CPS1: variants seen among roughly 807,000 people sequenced by gnomAD.
CPS1 encodes carbamoyl-phosphate synthase [ammonia], mitochondrial.
In CPS1, 109 loss-of-function variants were observed where a neutral mutation model predicts 174.6. The observed-to-expected ratio is 0.62, with a 90% CI of 0.53 to 0.73. CPS1 has a LOEUF of 0.73. Ranked by LOEUF, CPS1 falls within the 30% of genes least tolerant of loss-of-function variation. The pLI is 0.00. For synonymous variants in CPS1, 637 were observed against 632.0 expected (o/e 1.01, Z -0.12); for missense variants, 1,689 against 1,821.9 (o/e 0.93, Z 1.33).
chr2:210,509,215 G>C (rs1438116207), intron 1 of CPS1, among the ~76,000 whole-genome samples: 1 of 152,140 alleles, frequency 6.6e-6, no homozygotes, highest in African/African-American at 2.4e-5. Flanking sequence ...GGGATGCAAG[G>C]CTGGTTCAAC....
At chr2:210,597,250 G>C (rs1454424000) in intron 13 of CPS1, among the ~76,000 whole-genome samples, 1 of 151,810 alleles carries the variant, frequency 6.6e-6, no homozygotes, top group African/African-American at 2.4e-5. Flanking sequence ...TTGCTTACCT[G>C]TTTGTATCTT....
intron 1 of CPS1, among the ~76,000 whole-genome samples, chr2:210,498,932 C>G (rs765676164): frequency 3.3e-5 from 5 of 152,160 alleles, no homozygotes; most frequent in Non-Finnish European, 7.4e-5. Context: ...TGTGCTTCAC[C>G]ATGGTGTCTG....
In CPS1 at chr2:210,678,087, C is replaced by A. The variant is rs774061608; in HGVS notation, c.*102C>A. ...TCAGAGATGAATATTGATAACTAAA[C>A]TTCATTTCAGTTTACTTTGTTATGC... On this transcript the variant is annotated 3_prime_UTR_variant, in exon 38 of 38. Transcript: ENST00000233072. 1.1e-6 allele frequency: 1 copy of A among 912,626 alleles called. No homozygotes were observed. The highest frequency in any genetic ancestry group is 1.7e-5 in the Admixed American group (1 of 58,432). 56.5% of individuals were successfully genotyped at this position (912,626 alleles called of 1,614,324 possible). A position where few individuals can be genotyped will look rare whatever the true frequency, so the allele number is the denominator to read the frequency against.
At chr2:210,608,328 A>G in intron 18 of CPS1, 33 bp from the exon 19 acceptor site, 2 of 1,601,926 alleles carry the variant, frequency 1.2e-6, no homozygotes, top group East Asian at 2.2e-5. Flanking sequence ...AATTGCTCGA[A>G]GAAAAAAAAA....
chr2:210,621,764 T>C (rs1699537765), intron 21 of CPS1, among the ~76,000 whole-genome samples: 1 of 152,112 alleles, frequency 6.6e-6, no homozygotes, highest in Non-Finnish European at 1.5e-5. Context: ...TATTCCTTAT[T>C]GTAACCAAAT....
chr2:210,606,687 A>G (rs1559102581), intron 17 of CPS1, 44 bp from the exon 18 acceptor site: 2 of 1,580,386 alleles, frequency 1.3e-6, no homozygotes, highest in Non-Finnish European at 1.7e-6. Flanking sequence ...GAAGTTGGTT[A>G]TTTCAATATG....
intron 21 of CPS1, among the ~76,000 whole-genome samples, chr2:210,625,758 T>C (rs1699681307): frequency 6.6e-6 from 1 of 151,654 alleles, no homozygotes; most frequent in Non-Finnish European, 1.5e-5. Flanking sequence ...TAGGTAGGAG[T>C]GGAAGCTAGG....
intron 1 of CPS1, among the ~76,000 whole-genome samples, chr2:210,542,167 C>T (rs1283730384): frequency 6.6e-6 from 1 of 152,096 alleles, no homozygotes; most frequent in Admixed American, 6.6e-5. Flanking sequence ...TCTAACTGGC[C>T]TGGCAAAACT....
At chr2:210,641,392 C>T (rs962479721) in intron 24 of CPS1, among the ~76,000 whole-genome samples, 1 of 152,132 alleles carries the variant, frequency 6.6e-6, no homozygotes, top group Non-Finnish European at 1.5e-5. Context: ...TCCCAAAGTG[C>T]TGGTATTACA....
At chr2:210,658,142 T>A (rs996679114) in intron 30 of CPS1, 5 of 223,644 alleles carry the variant, frequency 2.2e-5, no homozygotes, top group African/African-American at 9.2e-5. Flanking sequence ...CCTTGTAGAG[T>A]CCAGGGCAAC....
chr2:210,494,809 G>A (rs1361954986), intron 1 of CPS1, among the ~76,000 whole-genome samples: 1 of 152,180 alleles, frequency 6.6e-6, no homozygotes, highest in East Asian at 1.9e-4. Flanking sequence ...CACATAAGAA[G>A]GAAAGATTTG....
At chr2:210,544,594 A>G (rs1696514764) in intron 1 of CPS1, among the ~76,000 whole-genome samples, 2 of 152,186 alleles carry the variant, frequency 1.3e-5, no homozygotes, top group East Asian at 1.9e-4. Context: ...ATTACTTGAA[A>G]TAGTTTTAAA....
At chr2:210,499,092 G>A (rs1242940266) in intron 1 of CPS1, among the ~76,000 whole-genome samples, 1 of 151,928 alleles carries the variant, frequency 6.6e-6, no homozygotes, top group Non-Finnish European at 1.5e-5. Flanking sequence ...ATGCTGATCT[G>A]GGTGAATGGT....
chr2:210,670,207 T>A (rs1199661968), intron 34 of CPS1, among the ~76,000 whole-genome samples: 1 of 152,058 alleles, frequency 6.6e-6, no homozygotes, highest in African/African-American at 2.4e-5. Flanking sequence ...GACACAGATT[T>A]AAAAATATAT....
intron 28 of CPS1, among the ~76,000 whole-genome samples, chr2:210,651,900 T>C (rs1276605400): frequency 6.6e-6 from 1 of 152,174 alleles, no homozygotes; most frequent in Admixed American, 6.5e-5. Flanking sequence ...AAAAGAAAGA[T>C]ATGGTCTCTA....
intron 1 of CPS1, among the ~76,000 whole-genome samples, chr2:210,485,300 A>G (rs1694686377): frequency 6.6e-6 from 1 of 152,070 alleles, no homozygotes; most frequent in African/African-American, 2.4e-5. Context: ...AGTAAACGGT[A>G]TCTAAAGTAT....
chr2:210,653,995 G>A lies in CPS1; in HGVS notation c.3481-30G>A, dbSNP rs924169176. The A allele has an allele frequency of 1.1e-5, 17 of 1,582,024 alleles. No homozygotes were observed. The African/African-American group carries it at 1.2e-4, about 11-fold the overall frequency. On this transcript the variant is annotated intron_variant, in intron 28 of 37. Coordinates refer to ENST00000233072, the MANE Select transcript of CPS1 (RefSeq NM_001875.5). ...ACTATATACATAGCGTTAGCTAAAT[G>A]TTCGGCTCCTCTGTTTTCCTTCGTG...
chr2:210,580,624 G>T (rs546283057), intron 5 of CPS1, among the ~76,000 whole-genome samples: 6 of 152,138 alleles, frequency 3.9e-5, no homozygotes, highest in African/African-American at 1.4e-4. Flanking sequence ...CACTTTGGGA[G>T]GCTGAGGCAA....
intron 1 of CPS1, among the ~76,000 whole-genome samples, chr2:210,506,208 GC>G (rs1377508970): frequency 1.3e-5 from 2 of 152,130 alleles, no homozygotes; most frequent in East Asian, 3.9e-4. Context: ...CGATCGGGCA[GC>G]AACATTTGCT....
Sources: allele counts gnomAD v4.1 joint callset (sites outside exome capture counted in the v4.1 genomes callset), GRCh38; gene constraint gnomAD v4.1.1; transcripts MANE v1.5; gene names NCBI Gene and HGNC (gene_info 2026-07-23, HGNC 2026-07-21).